The following FHIT variants were observed in gnomAD, a reference collection of about 807,000 sequenced individuals.
FHIT encodes the protein fragile histidine triad diadenosine triphosphatase.
FHIT carries 19 observed loss-of-function variants against 17.9 expected under a neutral mutation model. The ratio of observed to expected loss-of-function variants is 1.06; its 90% confidence interval spans 0.74 to 1.56. FHIT has a LOEUF of 1.56. Among genes scored for constraint, FHIT ranks in the 40% most tolerant of loss-of-function variants. The pLI is 0.00. For synonymous variants in FHIT, 81 were observed against 69.7 expected, an observed-to-expected ratio of 1.16 and a Z score of -0.81; for missense variants, 248 against 189.2, an observed-to-expected ratio of 1.31 and a Z score of -1.82.
chr3:59,887,073 T>TG (rs113223841), intron 8 of FHIT, among the ~76,000 whole-genome samples: 9,476 of 152,130 alleles, frequency 0.062, 327 homozygotes, highest in South Asian at 0.11. Context: ...CAGGGAGGCT[T>TG]GGAAGGGGGA....
In FHIT at chr3:59,848,846, A is replaced by G. The variant is rs530979929; in HGVS notation, c.348+73500T>C. Among the ~76,000 whole-genome samples the G allele has an allele frequency of 2.0e-5, 3 of 152,328 alleles. No homozygotes were observed. The South Asian group carries it at 6.2e-4, about 32-fold the overall frequency. ...CCCAGTAACAATAAAACACTTGGGG[A>G]AAAAGATCTCATTTCAGAGTCCCTG... On this transcript the variant is annotated intron_variant, in intron 8 of 9. Transcript: ENST00000492590.
intron 4 of FHIT, among the ~76,000 whole-genome samples, chr3:60,800,149 G>C (rs1005029004): frequency 6.6e-6 from 1 of 152,058 alleles, no homozygotes; most frequent in Non-Finnish European, 1.5e-5. Flanking sequence ...GTATTTCCAA[G>C]CTGAATTTCC....
intron 8 of FHIT, among the ~76,000 whole-genome samples, chr3:59,888,153 T>G (rs1300553133): frequency 1.3e-5 from 2 of 152,200 alleles, no homozygotes; most frequent in African/African-American, 4.8e-5. Context: ...GAGTATGCTT[T>G]CTTTAACAAG....
intron 5 of FHIT, among the ~76,000 whole-genome samples, chr3:60,380,993 C>T (rs1700777624): frequency 1.3e-5 from 2 of 152,166 alleles, no homozygotes; most frequent in African/African-American, 2.4e-5. Flanking sequence ...CTAGTACTTA[C>T]TGATATGACC....
At chr3:60,473,183 C>A (rs2033175851) in intron 5 of FHIT, among the ~76,000 whole-genome samples, 1 of 152,186 alleles carries the variant, frequency 6.6e-6, no homozygotes, top group Non-Finnish European at 1.5e-5. Context: ...ACTCTGCTCT[C>A]AAGGTGTTGC....
chr3:60,653,013 A>G (rs189291349), intron 4 of FHIT, among the ~76,000 whole-genome samples: 9 of 152,160 alleles, frequency 5.9e-5, no homozygotes, highest in Non-Finnish European at 1.0e-4. Flanking sequence ...CTAAACTGAA[A>G]CTCTTCAAGC....
intron 5 of FHIT, among the ~76,000 whole-genome samples, chr3:60,173,266 T>C (rs1363791654): frequency 6.6e-6 from 1 of 152,112 alleles, no homozygotes; most frequent in Non-Finnish European, 1.5e-5. Flanking sequence ...CCAGATTCCA[T>C]CCATCAGGCA....
chr3:60,664,064 G>A (rs1368595970), intron 4 of FHIT, among the ~76,000 whole-genome samples: 1 of 151,978 alleles, frequency 6.6e-6, no homozygotes, highest in Admixed American at 6.6e-5. Context: ...TGAACCTCCT[G>A]GCCTTGTTTC....
At chr3:60,259,651 A>C (rs913396738) in intron 5 of FHIT, among the ~76,000 whole-genome samples, 2 of 152,096 alleles carry the variant, frequency 1.3e-5, no homozygotes, top group African/African-American at 2.4e-5. Context: ...TATTATCCCC[A>C]CTTAACATAA....
At chr3:60,522,365 C>T (rs2035405292) in intron 5 of FHIT, among the ~76,000 whole-genome samples, 2 of 152,188 alleles carry the variant, frequency 1.3e-5, no homozygotes. Flanking sequence ...CTGCCTCAGC[C>T]TCCCAAAGTG....
At chr3:60,688,656 T>G (rs2040915819) in intron 4 of FHIT, among the ~76,000 whole-genome samples, 1 of 152,040 alleles carries the variant, frequency 6.6e-6, no homozygotes, top group Non-Finnish European at 1.5e-5. Context: ...GGTCTCAAAC[T>G]CCTGGCCCCA....
intron 8 of FHIT, among the ~76,000 whole-genome samples, chr3:59,847,456 T>A (rs930311720): frequency 6.6e-6 from 1 of 152,204 alleles, no homozygotes; most frequent in African/African-American, 2.4e-5. Context: ...TCTTTATTGA[T>A]GTTGCCCTTT....
chr3:59,755,482 AAATAGTAGTTTATCCAAAAGGCAGT>A (rs1266324659), intron 8 of FHIT, among the ~76,000 whole-genome samples: 1 of 152,220 alleles, frequency 6.6e-6, no homozygotes, highest in Non-Finnish European at 1.5e-5. Flanking sequence ...TAATGATCTT[AAATAGTAGTTTATCCAAAAGGCAGT>A]ATTTGCCGTG....
chr3:60,589,175 A>G (rs886212518), intron 4 of FHIT, among the ~76,000 whole-genome samples: 6 of 152,014 alleles, frequency 3.9e-5, no homozygotes, highest in Non-Finnish European at 5.9e-5. Flanking sequence ...ACCTTTTTAT[A>G]TAGAGAGAGA....
At chr3:60,640,287 C>A (rs189877624) in intron 4 of FHIT, among the ~76,000 whole-genome samples, 1 of 151,870 alleles carries the variant, frequency 6.6e-6, no homozygotes, top group African/African-American at 2.4e-5. Flanking sequence ...CACACTATAC[C>A]CCAATAAGCT....
At chr3:60,441,740 A>ATATATATTTG (rs1559915977) in intron 5 of FHIT, among the ~76,000 whole-genome samples, 7 of 94,202 alleles carry the variant, frequency 7.4e-5, no homozygotes, top group East Asian at 4.0e-4. Context: ...TTATATATAT[A>ATATATATTTG]TATTTATATA....
At chr3:60,884,522 A>G (rs531580967) in intron 3 of FHIT, among the ~76,000 whole-genome samples, 3 of 152,304 alleles carry the variant, frequency 2.0e-5, no homozygotes, top group Admixed American at 6.5e-5. Context: ...ACACAATGAA[A>G]TACTATTCCG....
At position 61,003,867 on chromosome 3, in the gene FHIT, T is replaced by C. The variant is rs72873065; in HGVS notation, c.-111+38180A>G. On this transcript the variant is annotated intron_variant, in intron 3 of 9. Transcript: ENST00000492590. Reference sequence around the variant, plus strand: ...AAATCTGGCATGTCCATTTCTGTAATATTTACAGATATAACACATCAGCAA... The same window carrying C: ...AAATCTGGCATGTCCATTTCTGTAACATTTACAGATATAACACATCAGCAA... Among the ~76,000 whole-genome samples, 980 of 152,386 alleles carry C rather than the reference T, an allele frequency of 6.4e-3. 8 individuals carry two copies. The highest frequency in any genetic ancestry group is 0.021 in the African/African-American group (879 of 41,590).
In FHIT at chr3:60,401,148, A is replaced by AT. The variant is rs1701641733; in HGVS notation, c.103+135711_103+135712insA. Among the ~76,000 whole-genome samples, 3 of 152,204 alleles carry AT rather than the reference A, an allele frequency of 2.0e-5. No homozygotes were observed. In the South Asian group the frequency reaches 6.2e-4, roughly 32 times the overall value. On this transcript the variant is annotated intron_variant, in intron 5 of 9. Transcript: ENST00000492590. ...AAAGACATTATCTATGCATTTGTAA[A>AT]GGTTATTTTTGCTTTGCTTGTAGTG...
Sources: allele counts gnomAD v4.1 joint callset (sites outside exome capture counted in the v4.1 genomes callset), GRCh38; gene constraint gnomAD v4.1.1; transcripts MANE v1.5; gene names NCBI Gene and HGNC (gene_info 2026-07-23, HGNC 2026-07-21).